Variants in TBL1XR1 observed in about 807,000 individuals in gnomAD.
TBL1XR1 encodes the protein TBL1X/Y related 1.
TBL1XR1 carries 5 observed loss-of-function variants against 66.9 expected under a neutral mutation model. That is an observed-to-expected ratio of 0.07 (90% CI 0.04 to 0.16). TBL1XR1 has a LOEUF of 0.16. Among genes scored for constraint, TBL1XR1 ranks in the 10% least tolerant of loss-of-function variants. TBL1XR1 has a pLI of 1.00. For missense variants in TBL1XR1, 238 were observed against 623.2 expected (o/e 0.38, Z 6.58); for synonymous variants, 210 against 206.0 (o/e 1.02, Z -0.17).
chr3:177,048,498 G>C (rs1466004384), intron 7 of TBL1XR1, among the ~76,000 whole-genome samples: 1 of 152,164 alleles, frequency 6.6e-6, no homozygotes, highest in African/African-American at 2.4e-5. Context: ...CTGGTTCTGG[G>C]AACTGCAGAC....
At chr3:177,030,153 G>GAC (rs1383674461) in intron 14 of TBL1XR1, among the ~76,000 whole-genome samples, 1 of 150,990 alleles carries the variant, frequency 6.6e-6, no homozygotes, top group Admixed American at 6.6e-5. Context: ...GAGAGAGACA[G>GAC]ACACACACAG....
At position 177,038,185 on chromosome 3, in the gene TBL1XR1, G is replaced by A. The variant is rs1310534804; in HGVS notation, c.1048-13C>T. The A allele has an allele frequency of 1.9e-6, 3 of 1,612,396 alleles. No individual in the cohort carries two copies. In the East Asian group the frequency reaches 6.7e-5, roughly 36 times the overall value. On this transcript the variant is annotated splice_polypyrimidine_tract_variant and intron_variant, in intron 11 of 15. Coordinates refer to ENST00000457928, the MANE Select transcript of TBL1XR1 (RefSeq NM_024665.7). Reference sequence around the variant, plus strand: ...CATTTACTTCATTCTAAAAATAATAGTAAATATTCACATTTTCATTGTATA... The same window carrying A: ...CATTTACTTCATTCTAAAAATAATAATAAATATTCACATTTTCATTGTATA...
upstream of TBL1XR1, among the ~76,000 whole-genome samples, chr3:177,200,074 G>A (rs1264474737): frequency 6.6e-6 from 1 of 152,052 alleles, no homozygotes; most frequent in Non-Finnish European, 1.5e-5. Context: ...CCAGGTTCAA[G>A]CGATTCTCCT....
At chr3:177,041,565 G>A (rs1451003954) in intron 10 of TBL1XR1, among the ~76,000 whole-genome samples, 1 of 152,162 alleles carries the variant, frequency 6.6e-6, no homozygotes, top group Non-Finnish European at 1.5e-5. Flanking sequence ...AAATCAACTA[G>A]TAAACAAAAA....
At chr3:177,190,290 G>C (rs573418380) in intron 1 of TBL1XR1, among the ~76,000 whole-genome samples, 29 of 151,968 alleles carry the variant, frequency 1.9e-4, no homozygotes, top group Non-Finnish European at 3.7e-4. Context: ...TACTATTCCA[G>C]AATTAAAAGG....
In TBL1XR1 at chr3:177,033,149, GGAAA is replaced by G; in HGVS notation, c.1251-17_1251-14del. On this transcript the variant is annotated splice_polypyrimidine_tract_variant and intron_variant, in intron 13 of 15. Coordinates refer to ENST00000457928, the MANE Select transcript of TBL1XR1 (RefSeq NM_024665.7). ...ATCAAAGGATGCACTGAAAAAGGAA[GGAAA>G]GAAAGTTAATTTATAAGTAAGGAAA... 5.3e-6 allele frequency: 8 copies of G among 1,502,998 alleles called. No homozygotes were observed. Among genetic ancestry groups the G allele is most frequent in the Non-Finnish European group, 7.2e-6 (8 of 1,116,192 alleles). 93.1% of individuals were successfully genotyped at this position (1,502,998 alleles called of 1,614,324 possible).
chr3:177,192,188 G>A (rs981848762), intron 1 of TBL1XR1, among the ~76,000 whole-genome samples: 8 of 151,762 alleles, frequency 5.3e-5, no homozygotes, highest in African/African-American at 1.9e-4. Flanking sequence ...ACAAGGTCAA[G>A]AGATGGAGAC....
chr3:177,194,148 A>G (rs1032843973), intron 1 of TBL1XR1: 7 of 152,194 alleles, frequency 4.6e-5, no homozygotes, highest in Non-Finnish European at 1.5e-5. Context: ...TCAAGTTTCT[A>G]TTGGTGGCAG....
At chr3:177,179,710 C>T (rs563936095) in intron 1 of TBL1XR1, among the ~76,000 whole-genome samples, 20 of 152,180 alleles carry the variant, frequency 1.3e-4, no homozygotes, top group Non-Finnish European at 2.5e-4. Flanking sequence ...CATTAGCATG[C>T]TGTTATGGTT....
At chr3:177,111,831 C>T (rs140283153) in intron 1 of TBL1XR1, among the ~76,000 whole-genome samples, 264 of 151,608 alleles carry the variant, frequency 1.7e-3, no homozygotes, top group Non-Finnish European at 3.2e-3. Context: ...GAAAGAGAAA[C>T]GGTTTAGGGA....
At chr3:177,190,712 T>C (rs1031880930) in intron 1 of TBL1XR1, among the ~76,000 whole-genome samples, 1 of 152,202 alleles carries the variant, frequency 6.6e-6, no homozygotes, top group Admixed American at 6.6e-5. Flanking sequence ...AATGTGACTA[T>C]AGCACACCTA....
chr3:177,029,166 T>C (rs1438688716), intron 14 of TBL1XR1, among the ~76,000 whole-genome samples: 5 of 149,872 alleles, frequency 3.3e-5, no homozygotes, highest in African/African-American at 1.2e-4. Context: ...CCGGGCACAG[T>C]GGCATGTGCC....
At chr3:177,094,078 T>A (rs1195711008) in intron 2 of TBL1XR1, among the ~76,000 whole-genome samples, 1 of 151,816 alleles carries the variant, frequency 6.6e-6, no homozygotes, top group African/African-American at 2.4e-5. Flanking sequence ...TATCTATACA[T>A]CCAACAAAGG....
At chr3:177,104,986 T>C (rs1223624528) in intron 1 of TBL1XR1, among the ~76,000 whole-genome samples, 1 of 152,220 alleles carries the variant, frequency 6.6e-6, no homozygotes, top group East Asian at 1.9e-4. Context: ...TTGAACAGTT[T>C]CTAATGCTAA....
chr3:177,149,670 T>C (rs1730655240), intron 1 of TBL1XR1, among the ~76,000 whole-genome samples: 1 of 152,140 alleles, frequency 6.6e-6, no homozygotes. Flanking sequence ...CCTGCTTTCG[T>C]ATGGCCCATA....
intron 2 of TBL1XR1, among the ~76,000 whole-genome samples, chr3:177,087,936 C>G (rs1722348580): frequency 6.6e-6 from 1 of 151,870 alleles, no homozygotes; most frequent in Non-Finnish European, 1.5e-5. Flanking sequence ...AAAAATAAGC[C>G]AGATAATATT....
chr3:177,080,560 T>C (rs1282307348), intron 2 of TBL1XR1, among the ~76,000 whole-genome samples: 1 of 152,220 alleles, frequency 6.6e-6, no homozygotes, highest in Non-Finnish European at 1.5e-5. Context: ...TAATACTTTT[T>C]TCTGGTTCTC....
chr3:177,079,195 G>A (rs982034010), intron 2 of TBL1XR1, among the ~76,000 whole-genome samples: 1 of 151,904 alleles, frequency 6.6e-6, no homozygotes, highest in Non-Finnish European at 1.5e-5. Flanking sequence ...ACTTTGGAAG[G>A]CCGAGGTGGG....
At chr3:177,039,517 T>G (rs1342445114) in intron 10 of TBL1XR1, among the ~76,000 whole-genome samples, 1 of 152,224 alleles carries the variant, frequency 6.6e-6, no homozygotes, top group East Asian at 1.9e-4. Context: ...AAATGCCCCT[T>G]AAAATCAATG....
Sources: allele counts gnomAD v4.1 joint callset (sites outside exome capture counted in the v4.1 genomes callset), GRCh38; gene constraint gnomAD v4.1.1; transcripts MANE v1.5; gene names NCBI Gene and HGNC (gene_info 2026-07-23, HGNC 2026-07-21).